NBEA: variants seen among roughly 807,000 people sequenced by gnomAD.
NBEA encodes lysosomal-trafficking regulator 2.
A neutral mutation model predicts 343.4 loss-of-function variants in NBEA; 44 were observed. That is an observed-to-expected ratio of 0.13 (90% CI 0.10 to 0.16). The LOEUF (loss-of-function observed/expected upper bound fraction) is 0.16. NBEA is among the 10% of genes least tolerant of loss of function. The pLI, the probability that NBEA is intolerant of heterozygous loss-of-function variation, is 1.00. For synonymous variants in NBEA, 1,175 were observed against 1,238.7 expected (o/e 0.95, Z 1.08); for missense variants, 2,555 against 3,631.3 (o/e 0.70, Z 7.62).
chr13:35,258,270 C>T (rs188723437), intron 34 of NBEA, among the ~76,000 whole-genome samples: 19 of 151,798 alleles, frequency 1.3e-4, no homozygotes, highest in Admixed American at 4.6e-4. Context: ...TGTGTTCAAG[C>T]GATTCTCCTG....
chr13:34,947,256 G>A (rs71438054), intron 1 of NBEA, among the ~76,000 whole-genome samples: 2,953 of 152,058 alleles, frequency 0.019, 54 homozygotes, highest in Non-Finnish European at 0.03. Context: ...TGACACTAAG[G>A]CAGCAAATAT....
intron 37 of NBEA, among the ~76,000 whole-genome samples, chr13:35,350,294 GC>G (rs1246238625): frequency 6.6e-5 from 10 of 152,108 alleles, no homozygotes; most frequent in Admixed American, 1.3e-4. Context: ...GTGACATTAA[GC>G]CAAGGGCAGT....
At chr13:35,577,934 A>C (rs2080825189) in intron 45 of NBEA, among the ~76,000 whole-genome samples, 1 of 152,220 alleles carries the variant, frequency 6.6e-6, no homozygotes, top group African/African-American at 2.4e-5. Flanking sequence ...AAGTGTCTGT[A>C]GGTATGATTT....
At position 35,015,366 on chromosome 13, in the gene NBEA, A is replaced by G. The variant is rs566391609; in HGVS notation, c.295-25567A>G. ...TCTAAGTGGTGTTTTAGGAAGGTGA[A>G]TTTGGCAGTGGTATTGAGTGGTGAC... On this transcript the variant is annotated intron_variant, in intron 1 of 58. Transcript: ENST00000379939. 9.6e-4 allele frequency among the ~76,000 whole-genome samples: 146 copies of G among 152,118 alleles called. 1 individual carries two copies. The highest frequency in any genetic ancestry group is 6.8e-3 in the Middle Eastern group (2 of 292).
At chr13:35,628,023 G>A (rs539431058) in intron 48 of NBEA, 58 bp from the exon 49 acceptor site, 43 of 1,288,376 alleles carry the variant, frequency 3.3e-5, no homozygotes, top group Middle Eastern at 3.9e-4. Flanking sequence ...AAAAATAAAA[G>A]GATATGAAGG....
intron 1 of NBEA, among the ~76,000 whole-genome samples, chr13:34,958,530 A>AAATTTTAAAAAAAAAAAATT (rs541194395): frequency 7.2e-5 from 11 of 152,136 alleles, no homozygotes; most frequent in Middle Eastern, 3.4e-3. Flanking sequence ...TTGGGTCAGG[A>AAATTTTAAAAAAAAAAAATT]TTTGAAGAAA....
chr13:35,487,205 T>C (rs1469438164), intron 41 of NBEA, among the ~76,000 whole-genome samples: 3 of 151,914 alleles, frequency 2.0e-5, no homozygotes, highest in East Asian at 1.9e-4. Flanking sequence ...TTGGTATAGA[T>C]ACTAAAATGT....
intron 33 of NBEA, among the ~76,000 whole-genome samples, chr13:35,231,969 T>C (rs1376944496): frequency 6.6e-6 from 1 of 152,148 alleles, no homozygotes; most frequent in African/African-American, 2.4e-5. Context: ...TATATAATAA[T>C]ACAGCAGTTT....
intron 1 of NBEA, among the ~76,000 whole-genome samples, chr13:34,974,984 A>C (rs1256924179): frequency 6.6e-6 from 1 of 152,216 alleles, no homozygotes; most frequent in Non-Finnish European, 1.5e-5. Context: ...TAGCTCATGC[A>C]TGAGGCTAAG....
intron 38 of NBEA, among the ~76,000 whole-genome samples, chr13:35,391,738 T>C (rs1253649815): frequency 6.6e-6 from 1 of 152,184 alleles, no homozygotes; most frequent in African/African-American, 2.4e-5. Flanking sequence ...TTGATTCTTA[T>C]GAGCACTACA....
chr13:35,460,266 T>C (rs1003084957), intron 40 of NBEA, among the ~76,000 whole-genome samples: 6 of 152,218 alleles, frequency 3.9e-5, no homozygotes, highest in Non-Finnish European at 8.8e-5. Context: ...AAATGTTGTT[T>C]AGTGAAAGCT....
chr13:35,054,696 T>C (rs2063188046), intron 6 of NBEA, among the ~76,000 whole-genome samples: 1 of 148,596 alleles, frequency 6.7e-6, no homozygotes, highest in Admixed American at 6.9e-5. Flanking sequence ...CAGGCTGGAG[T>C]GCAGTGGTGT....
At position 35,550,994 on chromosome 13, in the gene NBEA, G is replaced by A. The variant is rs749297027; in HGVS notation, c.6768G>A (p.Arg2256=). 6.2e-7 allele frequency: 1 copy of A among 1,609,768 alleles called. No homozygotes were observed. Among genetic ancestry groups the A allele is most frequent in the African/African-American group, 1.3e-5 (1 of 74,782 alleles). ...AAAAAGTTGTCTATAGCTTGCCTCG[G>A]GTTGGAGTAGGGACCAGCTATGGTC... is the stretch of plus-strand genomic sequence containing the variant. ...TVKKVVYSLP[R]VGVGTSYGLP... Residue 2256 remains arginine, a synonymous_variant, in exon 43 of 59, where the codon CGG becomes CGA. Coordinates refer to ENST00000379939, the MANE Select transcript of NBEA (RefSeq NM_001385012.1).
rs147121772 is a variant in NBEA at position 35,075,154 on chromosome 13, G to A, written c.1571+4302G>A. ...CTAATCCTGCAAGCCTGACTCTAGAGCTCTGACTCTAAACCACTGTGGACT... is the reference window on the plus strand; with the variant it reads ...CTAATCCTGCAAGCCTGACTCTAGAACTCTGACTCTAAACCACTGTGGACT... On this transcript the variant is annotated intron_variant, in intron 10 of 58. Transcript: ENST00000379939. Among the ~76,000 whole-genome samples, 9 of 152,194 alleles carry A rather than the reference G, an allele frequency of 5.9e-5. No homozygotes were observed. In the East Asian group the frequency reaches 1.7e-3, roughly 29 times the overall value.
intron 11 of NBEA, among the ~76,000 whole-genome samples, chr13:35,103,827 G>A (rs986333567): frequency 6.6e-6 from 1 of 151,778 alleles, no homozygotes; most frequent in African/African-American, 2.4e-5. Flanking sequence ...CTGTCAAAAT[G>A]TATCCAGAAT....
Position 35,671,132 on chromosome 13 carries a change from T to C in NBEA, c.*141T>C. ...CACACCCAGCAATAGCTGTACATTG[T>C]AGTCAGCAACCATTTTACTTTGTGT... On this transcript the variant is annotated 3_prime_UTR_variant, in exon 59 of 59. Coordinates refer to ENST00000379939, the MANE Select transcript of NBEA (RefSeq NM_001385012.1). 1.7e-6 allele frequency: 1 copy of C among 598,494 alleles called. No individual in the cohort carries two copies. Among genetic ancestry groups the C allele is most frequent in the Non-Finnish European group, 3.0e-6 (1 of 336,698 alleles). The allele number at this position is 598,494 out of a possible 1,614,324, so 37.1% of individuals were successfully genotyped here.
In NBEA at chr13:35,232,565, C is replaced by G; in HGVS notation, c.5722C>G (p.Pro1908Ala). 1.3e-6 allele frequency: 2 copies of G among 1,557,464 alleles called. No individual in the cohort carries two copies. The highest frequency in any genetic ancestry group is 1.7e-6 in the Non-Finnish European group (2 of 1,148,626). ...LLREIFVDFA[P>A]FLSRTLLGSH... ...TCGTGAAATTTTTGTAGACTTTGCC[C>G]CATTCCTATCTCGTACACTTCTTGG... Residue 1908 changes from proline (P) to alanine (A), a missense_variant, in exon 34 of 59, where the codon CCA becomes GCA. Around this residue, in one of 21 missense-constraint regions of NBEA, gnomAD observed 84 missense variants for 196.4 expected, o/e 0.43. Transcript: ENST00000379939.
At chr13:35,079,788 G>A (rs957171415) in intron 10 of NBEA, among the ~76,000 whole-genome samples, 2 of 152,088 alleles carry the variant, frequency 1.3e-5, no homozygotes, top group East Asian at 3.8e-4. Context: ...TAGAAAGTAG[G>A]TTAGGTCACT....
intron 41 of NBEA, among the ~76,000 whole-genome samples, chr13:35,548,245 A>G (rs767716610): frequency 5.3e-5 from 8 of 152,342 alleles, no homozygotes; most frequent in Non-Finnish European, 1.0e-4. Flanking sequence ...TAAATGAATA[A>G]TTGGCACAGT....
Sources: allele counts gnomAD v4.1 joint callset (sites outside exome capture counted in the v4.1 genomes callset), GRCh38; gene constraint gnomAD v4.1.1; regional missense constraint gnomAD v4.1.1; transcripts MANE v1.5; gene names NCBI Gene and HGNC (gene_info 2026-07-23, HGNC 2026-07-21).